The following RCOR3 variants were observed in gnomAD, a reference collection of about 807,000 sequenced individuals.
The protein encoded by RCOR3 is REST corepressor 3.
Under a neutral mutation model 64.1 loss-of-function variants are expected in RCOR3, and 13 were observed. The observed-to-expected ratio is 0.20, with a 90% CI of 0.13 to 0.32. The LOEUF is 0.32. Ranked by LOEUF, RCOR3 falls within the 10% of genes least tolerant of loss-of-function variation. The probability of loss-of-function intolerance (pLI) is 1.00; values close to 1 mark genes in which losing one functional copy is unlikely to be tolerated. For missense variants in RCOR3, 489 were observed against 701.2 expected (o/e 0.70, Z 3.42); for synonymous variants, 215 against 239.0 (o/e 0.90, Z 0.93).
rs1701797611 is a variant in RCOR3 at position 211,315,127 on chromosome 1, A to G, written c.*1359A>G. 1 of 152,234 alleles carries G rather than the reference A, an allele frequency of 6.6e-6. No homozygotes were observed. Among genetic ancestry groups the G allele is most frequent in the African/African-American group, 2.4e-5 (1 of 41,474 alleles). The allele number at this position is 152,234 out of a possible 1,614,324, so 9.4% of individuals were successfully genotyped here. A position where few individuals can be genotyped will look rare whatever the true frequency, so the allele number is the denominator to read the frequency against. ...AATATTTTTGATACAGTGATTTCAT[A>G]TTGGAATCATTATTTGTGCAAAGGG... is the stretch of plus-strand genomic sequence containing the variant. On this transcript the variant is annotated 3_prime_UTR_variant, in exon 12 of 12. Coordinates refer to ENST00000419091, the MANE Select transcript of RCOR3 (RefSeq NM_001136223.3).
At chr1:211,300,439 A>G (rs563769870) in intron 9 of RCOR3, among the ~76,000 whole-genome samples, 2 of 152,014 alleles carry the variant, frequency 1.3e-5, no homozygotes, top group African/African-American at 2.4e-5. Context: ...ACATTCCACA[A>G]CTTTTAACTT....
chr1:211,260,754 G>A (rs527285091), intron 2 of RCOR3, among the ~76,000 whole-genome samples: 82 of 152,176 alleles, frequency 5.4e-4, no homozygotes, highest in African/African-American at 2.0e-3. Context: ...GGTGGGGGAA[G>A]GGGGTGGGGA....
rs1030455552 is a variant in RCOR3, at chr1:211,315,163, C to G, written c.*1395C>G. On this transcript the variant is annotated 3_prime_UTR_variant, in exon 12 of 12. Coordinates refer to ENST00000419091, the MANE Select transcript of RCOR3 (RefSeq NM_001136223.3). ...TATTTGTGCAAAGGGACAGACAGAT[C>G]ACTTAGATTGCTATACTAGTGGACA... 3.3e-5 allele frequency: 5 copies of G among 152,180 alleles called. No homozygotes were observed. Among genetic ancestry groups the G allele is most frequent in the African/African-American group, 1.2e-4 (5 of 41,430 alleles). 9.4% of individuals were successfully genotyped at this position (152,180 alleles called of 1,614,324 possible). A position where few individuals can be genotyped will look rare whatever the true frequency, so the allele number is the denominator to read the frequency against.
At chr1:211,280,675 A>G (rs1697660057) in intron 7 of RCOR3, among the ~76,000 whole-genome samples, 1 of 152,158 alleles carries the variant, frequency 6.6e-6, no homozygotes, top group Non-Finnish European at 1.5e-5. Context: ...AAGTATGTTC[A>G]AGTCTTCCAT....
intron 10 of RCOR3, among the ~76,000 whole-genome samples, chr1:211,310,482 A>G (rs1274381405): frequency 2.6e-5 from 4 of 152,230 alleles, no homozygotes; most frequent in African/African-American, 9.6e-5. Flanking sequence ...TGAGTTAATT[A>G]TAAGCATATT....
At chr1:211,305,218 C>T (rs915786832) in intron 10 of RCOR3, among the ~76,000 whole-genome samples, 2 of 152,090 alleles carry the variant, frequency 1.3e-5, no homozygotes, top group Admixed American at 1.3e-4. Context: ...TGATGTCAGC[C>T]CTTGCTTTGG....
chr1:211,300,183 A>C (rs1270345353), intron 9 of RCOR3, among the ~76,000 whole-genome samples: 1 of 141,436 alleles, frequency 7.1e-6, no homozygotes, highest in African/African-American at 2.6e-5. Context: ...TGACTCTCCC[A>C]CCTCAGCCTC....
intron 10 of RCOR3, 92 bp downstream of exon 10, chr1:211,304,232 G>A (rs1571993005): frequency 1.1e-6 from 1 of 882,814 alleles, no homozygotes; most frequent in Non-Finnish European, 1.7e-6. Context: ...TTTAGAAATT[G>A]ATCAAGAAAG....
At chr1:211,282,215 T>C (rs1025328654) in intron 7 of RCOR3, among the ~76,000 whole-genome samples, 3 of 152,206 alleles carry the variant, frequency 2.0e-5, no homozygotes, top group African/African-American at 7.2e-5. Context: ...TTTAAGAGGA[T>C]ACTGCAGAGG....
chr1:211,283,764 C>T (rs1457545367), intron 7 of RCOR3, among the ~76,000 whole-genome samples: 1 of 151,462 alleles, frequency 6.6e-6, no homozygotes, highest in African/African-American at 2.4e-5. Flanking sequence ...CTGCTTCATG[C>T]TCCCAAGTAG....
chr1:211,280,009 T>A (rs1391111295), intron 7 of RCOR3, among the ~76,000 whole-genome samples: 2 of 152,226 alleles, frequency 1.3e-5, no homozygotes, highest in Non-Finnish European at 2.9e-5. Context: ...TGCCTCAGTT[T>A]TTAATCTCTA....
chr1:211,277,716 A>G (rs546192365), intron 5 of RCOR3, among the ~76,000 whole-genome samples: 1 of 152,234 alleles, frequency 6.6e-6, no homozygotes, highest in Non-Finnish European at 1.5e-5. Context: ...TTTTGAGATT[A>G]TGAAAATGTT....
At chr1:211,264,959 A>G (rs192067522) in intron 2 of RCOR3, among the ~76,000 whole-genome samples, 46 of 152,318 alleles carry the variant, frequency 3.0e-4, no homozygotes, top group African/African-American at 9.9e-4. Flanking sequence ...CTTTAATCTA[A>G]TATGGCATAA....
intron 8 of RCOR3, among the ~76,000 whole-genome samples, chr1:211,290,802 C>T (rs955143785): frequency 2.6e-5 from 4 of 152,104 alleles, no homozygotes; most frequent in Admixed American, 6.6e-5. Context: ...TTCTACTTGC[C>T]TTTAGCAGGT....
At chr1:211,274,861 A>G (rs746700333) in intron 4 of RCOR3, among the ~76,000 whole-genome samples, 7 of 151,956 alleles carry the variant, frequency 4.6e-5, no homozygotes, top group South Asian at 4.1e-4. Flanking sequence ...AATTATCTCA[A>G]TATTTTACAC....
intron 9 of RCOR3, among the ~76,000 whole-genome samples, chr1:211,300,073 T>TTC (rs1571974361): frequency 7.1e-6 from 1 of 141,220 alleles, no homozygotes. Context: ...CTTTCTTTCT[T>TTC]TTTTTTTTTT....
chr1:211,265,139 G>A lies in RCOR3; in HGVS notation c.223+4975G>A, dbSNP rs372356883. 6.0e-4 allele frequency among the ~76,000 whole-genome samples: 92 copies of A among 152,218 alleles called. 1 individual carries two copies. The East Asian group carries it at 0.013, about 22-fold the overall frequency. On this transcript the variant is annotated intron_variant, in intron 2 of 11. Transcript: ENST00000419091. ...GAAATAATTTTGAAAAAAGATTCAC[G>A]TATTTTTAGTCGACATCTGTTATTT...
chr1:211,311,584 T>C (rs968855201), intron 10 of RCOR3, among the ~76,000 whole-genome samples: 10 of 152,204 alleles, frequency 6.6e-5, no homozygotes, highest in Admixed American at 5.9e-4. Context: ...AGAATAGCAT[T>C]TCTGCTGGGT....
At chr1:211,262,894 T>C (rs1365585161) in intron 2 of RCOR3, among the ~76,000 whole-genome samples, 3 of 151,444 alleles carry the variant, frequency 2.0e-5, no homozygotes, top group Non-Finnish European at 4.4e-5. Flanking sequence ...TATTATACTT[T>C]AAGTTTTAGG....
Sources: allele counts gnomAD v4.1 joint callset (sites outside exome capture counted in the v4.1 genomes callset), GRCh38; gene constraint gnomAD v4.1.1; transcripts MANE v1.5; gene names NCBI Gene and HGNC (gene_info 2026-07-23, HGNC 2026-07-21).